OAS1: variants seen among roughly 807,000 people sequenced by gnomAD.
OAS1 encodes the protein 2'-5'-oligoadenylate synthase 1.
In OAS1, 24 loss-of-function variants were observed where a neutral mutation model predicts 38.5. That is an observed-to-expected ratio of 0.62 (90% CI 0.45 to 0.88). OAS1 has a LOEUF of 0.88. OAS1 is among the 40% of genes least tolerant of loss of function. The pLI is 0.00. For synonymous variants in OAS1, 169 were observed against 193.9 expected, an observed-to-expected ratio of 0.87 and a Z score of 1.07; for missense variants, 482 against 493.9, an observed-to-expected ratio of 0.98 and a Z score of 0.23.
chr12:112,928,806 A>T (rs1319687484), intron 6 of OAS1, among the ~76,000 whole-genome samples: 5 of 152,258 alleles, frequency 3.3e-5, no homozygotes. Flanking sequence ...ACAACATCCC[A>T]TGGCAAAGCA....
chr12:112,917,375 T>C (rs1435931476), intron 4 of OAS1, among the ~76,000 whole-genome samples, 172 bp from the exon 5 acceptor site: 3 of 152,190 alleles, frequency 2.0e-5, no homozygotes, highest in South Asian at 4.1e-4. Flanking sequence ...CTTCTCCTCA[T>C]GCTCACTGCC....
intron 2 of OAS1, among the ~76,000 whole-genome samples, chr12:112,910,310 A>G (rs1050172168): frequency 3.9e-5 from 6 of 152,054 alleles, no homozygotes; most frequent in Non-Finnish European, 7.4e-5. Context: ...GGAGGTTGCA[A>G]TGAGCCAAGA....
Position 112,907,155 on chromosome 12 carries a change from G to T in OAS1, c.116G>T (p.Gly39Val), listed in dbSNP as rs770540128. 99 of 1,614,074 alleles carry T rather than the reference G, an allele frequency of 6.1e-5. No homozygotes were observed. The highest frequency in any genetic ancestry group is 8.2e-5 in the Non-Finnish European group (97 of 1,180,044). ...AACCATGCCATTGACATCATCTGTG[G>T]GTTCCTGAAGGAAAGGTGCTTCCGA... is the stretch of plus-strand genomic sequence containing the variant. ...QINHAIDIIC[G>V]FLKERCFRGS... Residue 39 changes from glycine to valine, a missense_variant, in exon 1 of 6, where the codon GGG becomes GTG. Gly to Val is a moderately radical substitution (Grantham distance 109). Transcript: ENST00000202917.
intron 6 of OAS1, among the ~76,000 whole-genome samples, chr12:112,929,098 G>A (rs774283299): frequency 6.6e-5 from 10 of 152,172 alleles, no homozygotes; most frequent in Non-Finnish European, 1.5e-4. Context: ...TGTGAGACAA[G>A]CCCCCAAGAT....
At chr12:112,932,156 C>G (rs1044763741), downstream of OAS1, 4 of 466,286 alleles carry the variant, frequency 8.6e-6, no homozygotes, top group Non-Finnish European at 1.5e-5. Context: ...TCCTCCCTGT[C>G]TCCTTCTCTC....
At chr12:112,907,253 G>A in intron 1 of OAS1, 34 bp downstream of exon 1, 1 of 1,603,732 alleles carries the variant, frequency 6.2e-7, no homozygotes, top group Non-Finnish European at 8.5e-7. Context: ...GGGGAGGGGT[G>A]GCTGAATGTG....
chr12:112,932,906 C>T (rs144424246), downstream of OAS1: 2,110 of 152,344 alleles, frequency 0.014, 26 homozygotes, highest in Non-Finnish European at 0.018. Flanking sequence ...ACACATTCCA[C>T]GCCCTCCTTT....
At chr12:112,932,020 C>T (rs1403630295) in exon 7 of OAS1, 4 of 670,636 alleles carry the variant, frequency 6.0e-6, no homozygotes, top group African/African-American at 1.8e-5. Context: ...GGAAAACCTT[C>T]AATAATAAAC....
chr12:112,920,391 A>G (rs1158426155), downstream of OAS1, among the ~76,000 whole-genome samples: 2 of 152,238 alleles, frequency 1.3e-5, no homozygotes, highest in Admixed American at 1.3e-4. Context: ...ACAAATGAAA[A>G]GAATGCCAAG....
intron 1 of OAS1, 30 bp downstream of exon 1, chr12:112,907,249 G>A: frequency 6.2e-7 from 1 of 1,608,156 alleles, no homozygotes; most frequent in Non-Finnish European, 8.5e-7. Context: ...GCCAGGGGAG[G>A]GGTGGCTGAA....
At chr12:112,918,456 G>A (rs972806619) in intron 5 of OAS1, 2 of 339,062 alleles carry the variant, frequency 5.9e-6, no homozygotes, top group Admixed American at 7.5e-5. Flanking sequence ...AAACATACGA[G>A]TGCCGGTGTC....
chr12:112,919,397 C>CA lies in OAS1; in HGVS notation c.1049dup (p.Asn350LysfsTer6). On this transcript the variant is annotated frameshift_variant, in exon 6 of 6. Coordinates refer to ENST00000202917, the MANE Select transcript of OAS1 (RefSeq NM_016816.4). LOFTEE classifies it low-confidence loss of function (END_TRUNC). ...GTGTCTCACCCTTTCAGGCTGAAAG[C>CA]AACAGTGCAGACGATGAGACCGACG... 1 of 1,612,554 alleles carries CA rather than the reference C, an allele frequency of 6.2e-7. No individual in the cohort carries two copies. The highest frequency in any genetic ancestry group is 8.5e-7 in the Non-Finnish European group (1 of 1,178,898).
chr12:112,928,911 G>C (rs149909122), intron 6 of OAS1, among the ~76,000 whole-genome samples: 102 of 152,294 alleles, frequency 6.7e-4, no homozygotes, highest in Non-Finnish European at 1.2e-3. Context: ...CTTGAGGATT[G>C]GGGGAGAGGG....
rs769443556 is a variant in OAS1 at position 112,916,477 on chromosome 12, A to G, written c.655-32A>G. On this transcript the variant is annotated intron_variant, in intron 3 of 5. Transcript: ENST00000202917. ...AGTTTACACAAAAGTTGAGCAAACC[A>G]ATTTTTTTCTGATTGTTTTTCCTCT... The G allele has an allele frequency of 1.2e-5, 19 of 1,592,296 alleles. 1 individual carries two copies. The Admixed American group carries it at 1.9e-4, about 16-fold the overall frequency.
At chr12:112,919,289 G>C in intron 5 of OAS1, 100 bp from the exon 6 acceptor site, 1 of 1,107,588 alleles carries the variant, frequency 9.0e-7, no homozygotes, top group Non-Finnish European at 1.3e-6. Flanking sequence ...CTCAAAGGGG[G>C]ATCCAGATGG....
intron 6 of OAS1, among the ~76,000 whole-genome samples, chr12:112,926,906 T>A (rs143842561): frequency 0.099 from 15,075 of 152,144 alleles, 976 homozygotes; most frequent in Non-Finnish European, 0.14. Flanking sequence ...GGGAATGCAT[T>A]CTTTTCCCAG....
At position 112,907,106 on chromosome 12, in the gene OAS1, G is replaced by A. The variant is rs2043305216; in HGVS notation, c.67G>A (p.Asp23Asn). 1.2e-6 allele frequency: 2 copies of A among 1,614,134 alleles called. No individual in the cohort carries two copies. Among genetic ancestry groups the A allele is most frequent in the African/African-American group, 1.3e-5 (1 of 74,946 alleles). Reference sequence around the variant, plus strand: ...GTTCATTGAAGACTATCTCTTGCCAGACACGTGTTTCCGCATGCAAATCAA... The same window carrying A: ...GTTCATTGAAGACTATCTCTTGCCAAACACGTGTTTCCGCATGCAAATCAA... ...DKFIEDYLLP[D>N]TCFRMQINHA... Residue 23 changes from aspartate (D) to asparagine (N), a missense_variant, in exon 1 of 6, where the codon GAC becomes AAC. Physicochemically the swap from Asp to Asn is conservative, Grantham distance 23 (BLOSUM62 1). Coordinates refer to ENST00000202917, the MANE Select transcript of OAS1 (RefSeq NM_016816.4).
intron 1 of OAS1, among the ~76,000 whole-genome samples, 176 bp from the exon 2 acceptor site, chr12:112,908,360 C>CTAATGA (rs1251731018): frequency 6.6e-6 from 1 of 152,164 alleles, no homozygotes. Flanking sequence ...AAAATGGGAA[C>CTAATGA]TAATGATAAT....
intron 3 of OAS1, 48 bp from the exon 4 acceptor site, chr12:112,916,461 A>G (rs1290905420): frequency 1.3e-6 from 2 of 1,504,346 alleles, no homozygotes; most frequent in Non-Finnish European, 1.8e-6. Context: ...TAGTTTACAC[A>G]AAAGTTGAGC....
Sources: gnomAD v4.1 joint callset for allele counts (sites outside exome capture counted in the v4.1 genomes callset) on GRCh38, gnomAD v4.1.1 for gene constraint, MANE v1.5 for transcripts, NCBI Gene and HGNC (gene_info 2026-07-23, HGNC 2026-07-21) for gene names.